The following RMI2 variants were observed in gnomAD, a reference collection of about 807,000 sequenced individuals.
The protein encoded by RMI2 is recQ-mediated genome instability protein 2.
Under a neutral mutation model 8.4 loss-of-function variants are expected in RMI2, and 11 were observed. The observed-to-expected ratio is 1.32, with a 90% confidence interval of 0.83 to 2.18. The LOEUF (loss-of-function observed/expected upper bound fraction) is 2.18. Ranked by LOEUF, RMI2 falls within the 30% of genes most tolerant of loss-of-function variation. RMI2 has a pLI of 0.00. For missense variants in RMI2, 253 were observed against 207.5 expected, an observed-to-expected ratio of 1.22 and a Z score of -1.35; for synonymous variants, 105 against 93.8, an observed-to-expected ratio of 1.12 and a Z score of -0.69.
chr16:11,350,295 A>G (rs2070948514), intron 1 of RMI2, among the ~76,000 whole-genome samples: 1 of 152,240 alleles, frequency 6.6e-6, no homozygotes, highest in African/African-American at 2.4e-5. Context: ...GTAAAATCAG[A>G]AACCAAAGAA....
chr16:11,346,255 C>CTTTTTTT (rs34808246), intron 1 of RMI2, among the ~76,000 whole-genome samples: 4 of 115,954 alleles, frequency 3.4e-5, no homozygotes, highest in African/African-American at 6.6e-5. Flanking sequence ...TGCCTCCTCT[C>CTTTTTTT]TTTTTTTTTT....
At chr16:11,346,353 G>A (rs781437847) in intron 1 of RMI2, among the ~76,000 whole-genome samples, 6 of 142,110 alleles carry the variant, frequency 4.2e-5, no homozygotes, top group Non-Finnish European at 7.5e-5. Context: ...TCCACCTCCC[G>A]AATTCAAGCG....
intron 1 of RMI2, chr16:11,348,416 C>T (rs1407081985): frequency 6.6e-6 from 1 of 152,244 alleles, no homozygotes; most frequent in East Asian, 1.9e-4. Context: ...CTGGCATAAG[C>T]CTGGCATCTA....
chr16:11,351,524 C>T lies in RMI2; in HGVS notation c.*734C>T, dbSNP rs1012343235. The T allele has an allele frequency of 5.2e-5, 12 of 232,218 alleles. No individual in the cohort carries two copies. Among genetic ancestry groups the T allele is most frequent in the Non-Finnish European group, 8.5e-5 (10 of 117,484 alleles). The allele number at this position is 232,218 out of a possible 1,614,324, so 14.4% of individuals were successfully genotyped here. ...GCCTTTCAGGCATTAGCTAAACTTC[C>T]ACTTCATAACTTTCGGCGAGACATG... On this transcript the variant is annotated 3_prime_UTR_variant, in exon 2 of 2. Coordinates refer to ENST00000312499, the MANE Select transcript of RMI2 (RefSeq NM_152308.3).
chr16:11,346,839 G>A (rs1039334249), intron 1 of RMI2, among the ~76,000 whole-genome samples: 2 of 152,180 alleles, frequency 1.3e-5, no homozygotes, highest in African/African-American at 2.4e-5. Flanking sequence ...ATCCTCCTGC[G>A]TCAGCCTCCT....
chr16:11,345,509 C>G lies in RMI2; in HGVS notation c.38C>G (p.Ala13Gly). The change falls in exon 1 of 2, where the codon GCG (alanine) becomes GGG (glycine). Residue 13 changes from alanine (A) to glycine (G), a missense_variant. Coordinates refer to ENST00000312499, the MANE Select transcript of RMI2 (RefSeq NM_152308.3). ...GCGGACTCGTTCTCAGGCGGCCCCGCGGGGGTGCGGCTTCCGAGGTCGCCG... is the reference window on the plus strand; with the variant it reads ...GCGGACTCGTTCTCAGGCGGCCCCGGGGGGGTGCGGCTTCCGAGGTCGCCG... The part of the protein sequence containing the change: ...AAADSFSGGP[A>G]GVRLPRSPPL... 7.7e-7 allele frequency: 1 copy of G among 1,304,982 alleles called. No homozygotes were observed. Among genetic ancestry groups the G allele is most frequent in the Non-Finnish European group, 9.8e-7 (1 of 1,021,944 alleles). 80.8% of individuals were successfully genotyped at this position (1,304,982 alleles called of 1,614,324 possible).
At chr16:11,345,841 G>A in intron 1 of RMI2, 75 bp downstream of exon 1, 7 of 1,138,344 alleles carry the variant, frequency 6.1e-6, no homozygotes, top group Non-Finnish European at 7.7e-6. Context: ...ATTCGATCTT[G>A]TTGTTGACAC....
intron 1 of RMI2, among the ~76,000 whole-genome samples, chr16:11,347,644 C>A (rs1203003243): frequency 6.6e-6 from 1 of 152,192 alleles, no homozygotes; most frequent in East Asian, 1.9e-4. Context: ...TTCCGTCTTC[C>A]CACTGCCTTA....
At chr16:11,345,850 A>G in intron 1 of RMI2, 84 bp downstream of exon 1, 4 of 1,094,460 alleles carry the variant, frequency 3.7e-6, no homozygotes, top group Non-Finnish European at 4.6e-6. Flanking sequence ...TGTTGTTGAC[A>G]CTCGAACGGG....
chr16:11,351,664 G>C lies in RMI2; in HGVS notation c.*874G>C, dbSNP rs11640543. The C allele has an allele frequency of 1.0e-4, 23 of 228,918 alleles. No homozygotes were observed. The highest frequency in any genetic ancestry group is 2.0e-4 in the Non-Finnish European group (23 of 115,384). The allele number at this position is 228,918 out of a possible 1,614,324, so 14.2% of individuals were successfully genotyped here. A position where few individuals can be genotyped will look rare whatever the true frequency, so the allele number is the denominator to read the frequency against. ...TAGTACCCATGCCTGAATTTTTTGA[G>C]ATTGTAAATATCAAAGGAGTTAGAT... On this transcript the variant is annotated 3_prime_UTR_variant, in exon 2 of 2. Transcript: ENST00000312499.
At chr16:11,346,255 CTTTTTTTTTTTT>C (rs34808246) in intron 1 of RMI2, among the ~76,000 whole-genome samples, 1 of 115,934 alleles carries the variant, frequency 8.6e-6, no homozygotes, top group African/African-American at 3.3e-5. Flanking sequence ...TGCCTCCTCT[CTTTTTTTTTTTT>C]TTTTTTTTTT....
rs1160523516 is a variant in RMI2, at chr16:11,349,759, GGGGCAGGCAGCA to G, written c.296-878_296-867del. On this transcript the variant is annotated intron_variant, in intron 1 of 1. Coordinates refer to ENST00000312499, the MANE Select transcript of RMI2 (RefSeq NM_152308.3). The surrounding 1 kb of genome is among the most constrained non-coding windows in gnomAD (Gnocchi z 4.2). ...ACGTGCAGTGCAATGAAAGCCTCACGGGGCAGGCAGCAGGGCTGGCACCGGGCCTGTCCTTCC... is the reference window on the plus strand; with the variant it reads ...ACGTGCAGTGCAATGAAAGCCTCACGGGGCTGGCACCGGGCCTGTCCTTCC... Among the ~76,000 whole-genome samples, 5 of 152,162 alleles carry G rather than the reference GGGGCAGGCAGCA, an allele frequency of 3.3e-5. No homozygotes were observed. The East Asian group carries it at 7.7e-4, about 23-fold the overall frequency.
intron 1 of RMI2, among the ~76,000 whole-genome samples, chr16:11,347,983 G>A (rs1253332027): frequency 4.6e-5 from 7 of 152,152 alleles, no homozygotes; most frequent in African/African-American, 1.7e-4. Flanking sequence ...GTTTCAACAT[G>A]TTGGCTAGAC....
rs1406305385 is a variant in RMI2 at position 11,345,463 on chromosome 16, C to T, written c.-9C>T. 1.1e-5 allele frequency: 14 copies of T among 1,298,420 alleles called. No individual in the cohort carries two copies. The highest frequency in any genetic ancestry group is 1.3e-5 in the Non-Finnish European group (13 of 1,020,738). The allele number at this position is 1,298,420 out of a possible 1,614,324, so 80.4% of individuals were successfully genotyped here. ...GCGGAGGCGGGGCGGAAGGGTGCGG[C>T]GAGGCGGAATGGCGGCGGCTGCGGA... is the stretch of plus-strand genomic sequence containing the variant. On this transcript the variant is annotated 5_prime_UTR_variant, in exon 1 of 2. Transcript: ENST00000312499.
At position 11,351,733 on chromosome 16, in the gene RMI2, T is replaced by C. The variant is rs1452815396; in HGVS notation, c.*943T>C. 1 of 216,132 alleles carries C rather than the reference T, an allele frequency of 4.6e-6. No individual in the cohort carries two copies. Among genetic ancestry groups the C allele is most frequent in the African/African-American group, 2.3e-5 (1 of 44,442 alleles). 13.4% of individuals were successfully genotyped at this position (216,132 alleles called of 1,614,324 possible). ...TAGACTTTCACCTGGATTATTGATA[T>C]TCTACCTCTAATAAATTTTTAATAG... On this transcript the variant is annotated 3_prime_UTR_variant, in exon 2 of 2. Coordinates refer to ENST00000312499, the MANE Select transcript of RMI2 (RefSeq NM_152308.3).
Position 11,345,638 on chromosome 16 carries a change from C to T in RMI2, c.167C>T (p.Ala56Val). 8 of 1,258,090 alleles carry T rather than the reference C, an allele frequency of 6.4e-6. No individual in the cohort carries two copies. The highest frequency in any genetic ancestry group is 8.0e-6 in the Non-Finnish European group (8 of 1,003,104). 77.9% of individuals were successfully genotyped at this position (1,258,090 alleles called of 1,614,324 possible). A position where few individuals can be genotyped will look rare whatever the true frequency, so the allele number is the denominator to read the frequency against. ...AAAGRGPLDLAAVWMQGRVVM... is the reference protein window; with the variant it reads ...AAAGRGPLDLVAVWMQGRVVM... ...GCGGGCCGCGGGCCGCTGGACCTGG[C>T]GGCCGTGTGGATGCAGGGCAGGGTA... The change falls in exon 1 of 2, where the codon GCG (alanine) becomes GTG (valine). Residue 56 changes from alanine to valine, a missense_variant. Ala to Val is a moderately conservative substitution (Grantham distance 64, BLOSUM62 0). Transcript: ENST00000312499.
At position 11,345,510 on chromosome 16, in the gene RMI2, G is replaced by A. The variant is rs1473435016; in HGVS notation, c.39G>A (p.Ala13=). The A allele has an allele frequency of 1.5e-6, 2 of 1,305,686 alleles. No individual in the cohort carries two copies. The highest frequency in any genetic ancestry group is 6.2e-5 in the East Asian group (2 of 32,074). The allele number at this position is 1,305,686 out of a possible 1,614,324, so 80.9% of individuals were successfully genotyped here. A position where few individuals can be genotyped will look rare whatever the true frequency, so the allele number is the denominator to read the frequency against. Residue 13 remains alanine, a synonymous_variant, in exon 1 of 2, where the codon GCG becomes GCA. Transcript: ENST00000312499. The part of the protein sequence containing the change: ...AAADSFSGGP[A]GVRLPRSPPL... ...CGGACTCGTTCTCAGGCGGCCCCGC[G>A]GGGGTGCGGCTTCCGAGGTCGCCGC...
intron 1 of RMI2, among the ~76,000 whole-genome samples, chr16:11,347,732 C>G (rs1387611389): frequency 1.3e-5 from 2 of 152,152 alleles, no homozygotes; most frequent in Non-Finnish European, 2.9e-5. Flanking sequence ...TACAGGCCTC[C>G]TCTTTTCATG....
chr16:11,345,626 C>T lies in RMI2; in HGVS notation c.155C>T (p.Pro52Leu), dbSNP rs923200352. 6.4e-6 allele frequency: 8 copies of T among 1,241,202 alleles called. No individual in the cohort carries two copies. Among genetic ancestry groups the T allele is most frequent in the Middle Eastern group, 3.1e-4 (1 of 3,250 alleles). The allele number at this position is 1,241,202 out of a possible 1,614,324, so 76.9% of individuals were successfully genotyped here. The change falls in exon 1 of 2, where the codon CCG becomes CTG. Residue 52 changes from proline (P) to leucine (L), a missense_variant. Physicochemically the swap from Pro to Leu is moderately conservative, Grantham distance 98. Coordinates refer to ENST00000312499, the MANE Select transcript of RMI2 (RefSeq NM_152308.3). ...TCACGGGCGGCGGCGGGCCGCGGGC[C>T]GCTGGACCTGGCGGCCGTGTGGATG... Reference protein sequence around the residue: ...RLSRAAAGRGPLDLAAVWMQG... With the variant: ...RLSRAAAGRGLLDLAAVWMQG...
Sources: gnomAD v4.1 joint callset for allele counts (sites outside exome capture counted in the v4.1 genomes callset) on GRCh38, gnomAD v4.1.1 for gene constraint, Gnocchi (gnomAD v3.1) non-coding constraint, MANE v1.5 for transcripts, NCBI Gene and HGNC (gene_info 2026-07-23, HGNC 2026-07-21) for gene names.